Variants in EBF1 observed in about 807,000 individuals in gnomAD.
EBF1 encodes the protein transcription factor COE1.
In EBF1, 10 loss-of-function variants were observed where a neutral mutation model predicts 68.4. The observed-to-expected ratio is 0.15, with a 90% confidence interval of 0.09 to 0.25. The LOEUF (loss-of-function observed/expected upper bound fraction) is 0.25. Ranked by LOEUF, EBF1 falls within the 10% of genes least tolerant of loss-of-function variation. The probability of loss-of-function intolerance (pLI) is 1.00; values close to 1 mark genes in which losing one functional copy is unlikely to be tolerated. For synonymous variants in EBF1, 298 were observed against 299.8 expected, an observed-to-expected ratio of 0.99 and a Z score of 0.06; for missense variants, 509 against 794.4, an observed-to-expected ratio of 0.64 and a Z score of 4.32.
At chr5:158,740,216 G>A (rs1766026349) in intron 10 of EBF1, among the ~76,000 whole-genome samples, 1 of 152,182 alleles carries the variant, frequency 6.6e-6, no homozygotes, top group African/African-American at 2.4e-5. Context: ...GCCTACCAGT[G>A]ACTTATGGCT....
intron 9 of EBF1, among the ~76,000 whole-genome samples, chr5:158,785,326 G>A (rs1422228344): frequency 1.3e-5 from 2 of 152,078 alleles, no homozygotes; most frequent in Non-Finnish European, 2.9e-5. Context: ...TTATTTTCAG[G>A]GTTGCTAAAG....
At chr5:158,754,662 T>C (rs889999567) in intron 10 of EBF1, among the ~76,000 whole-genome samples, 1 of 152,108 alleles carries the variant, frequency 6.6e-6, no homozygotes, top group Admixed American at 6.6e-5. Flanking sequence ...TGATTCCAAA[T>C]CTATGATATC....
chr5:158,865,615 G>C (rs964579773), intron 6 of EBF1, among the ~76,000 whole-genome samples: 1 of 152,168 alleles, frequency 6.6e-6, no homozygotes, highest in African/African-American at 2.4e-5. Flanking sequence ...TCAAGTTTAA[G>C]ATATATTTGT....
intron 6 of EBF1, among the ~76,000 whole-genome samples, chr5:158,926,264 T>A (rs2127422702): frequency 6.6e-6 from 1 of 152,306 alleles, no homozygotes; most frequent in Admixed American, 6.5e-5. Context: ...TATAAGCAAA[T>A]GATAGCGCAT....
intron 6 of EBF1, among the ~76,000 whole-genome samples, chr5:158,857,814 C>A (rs1794319894): frequency 6.6e-6 from 1 of 152,136 alleles, no homozygotes; most frequent in Non-Finnish European, 1.5e-5. Flanking sequence ...TTGTGACAAG[C>A]CTCTCTAGAA....
chr5:158,871,452 T>A (rs761957054), intron 6 of EBF1, among the ~76,000 whole-genome samples: 5 of 152,292 alleles, frequency 3.3e-5, no homozygotes, highest in Non-Finnish European at 5.9e-5. Context: ...AATATTTACC[T>A]AATAATAATA....
chr5:158,878,099 CACTA>C (rs369110739), intron 6 of EBF1, among the ~76,000 whole-genome samples: 322 of 151,748 alleles, frequency 2.1e-3, no homozygotes, highest in Non-Finnish European at 4.0e-3. Context: ...ACCCAGAAAA[CACTA>C]ACTAATTGAT....
At chr5:159,001,489 G>A (rs1366353911) in intron 6 of EBF1, among the ~76,000 whole-genome samples, 1 of 152,080 alleles carries the variant, frequency 6.6e-6, no homozygotes, top group East Asian at 1.9e-4. Flanking sequence ...GTGACCCCTG[G>A]TGCAAATCAT....
At chr5:158,704,232 A>T (rs562859949) in intron 15 of EBF1, among the ~76,000 whole-genome samples, 1 of 152,202 alleles carries the variant, frequency 6.6e-6, no homozygotes. Flanking sequence ...TGTGTTCACC[A>T]TTATCACCAC....
chr5:158,747,320 T>C (rs1767803842), intron 10 of EBF1, among the ~76,000 whole-genome samples: 1 of 152,212 alleles, frequency 6.6e-6, no homozygotes, highest in South Asian at 2.1e-4. Context: ...CTTAATTTTT[T>C]CCTTTGGATA....
rs1010248680 is a variant in EBF1, at chr5:158,695,928, A to C, written c.*3183T>G. 1 of 183,582 alleles carries C rather than the reference A, an allele frequency of 5.4e-6. No individual in the cohort carries two copies. Among genetic ancestry groups the C allele is most frequent in the Non-Finnish European group, 1.2e-5 (1 of 86,468 alleles). The allele number at this position is 183,582 out of a possible 1,614,324, so 11.4% of individuals were successfully genotyped here. A position where few individuals can be genotyped will look rare whatever the true frequency, so the allele number is the denominator to read the frequency against. Reference sequence around the variant, plus strand: ...ACAACTAGGAGCTGCCATCACAGACAGGAAGTAACTTTAATTAAATATTGT... The same window carrying C: ...ACAACTAGGAGCTGCCATCACAGACCGGAAGTAACTTTAATTAAATATTGT... On this transcript the variant is annotated 3_prime_UTR_variant, in exon 16 of 16. Transcript: ENST00000313708.
intron 14 of EBF1, among the ~76,000 whole-genome samples, chr5:158,708,982 T>C (rs1378379816): frequency 8.5e-5 from 13 of 152,176 alleles, no homozygotes; most frequent in Admixed American, 5.9e-4. Context: ...AGAGAAAACC[T>C]AGCAGCTTGG....
At chr5:159,017,844 G>T (rs1387097607) in intron 6 of EBF1, among the ~76,000 whole-genome samples, 1 of 152,134 alleles carries the variant, frequency 6.6e-6, no homozygotes, top group Non-Finnish European at 1.5e-5. Flanking sequence ...GGAGTATTAG[G>T]ACACCTTGTT....
chr5:158,784,410 C>G (rs1446812671), intron 9 of EBF1, among the ~76,000 whole-genome samples: 1 of 152,150 alleles, frequency 6.6e-6, no homozygotes, highest in African/African-American at 2.4e-5. Context: ...GCAGCTTTTC[C>G]CATACCTTGA....
rs1023981653 is a variant in EBF1, at chr5:158,944,219, G to T, written c.555-104109C>A. On this transcript the variant is annotated intron_variant, in intron 6 of 15. Transcript: ENST00000313708. Reference sequence around the variant, plus strand: ...TTCTCCTAATGCCATCCCTCCCCTTGTCCTCCACCCCCCTACAGGCCCCAG... The same window carrying T: ...TTCTCCTAATGCCATCCCTCCCCTTTTCCTCCACCCCCCTACAGGCCCCAG... 2.1e-4 allele frequency among the ~76,000 whole-genome samples: 32 copies of T among 151,488 alleles called. 2 individuals carry two copies. Among genetic ancestry groups the T allele is most frequent in the Admixed American group, 1.9e-3 (29 of 15,188 alleles).
intron 10 of EBF1, among the ~76,000 whole-genome samples, chr5:158,759,628 A>G (rs1770956506): frequency 6.6e-6 from 1 of 152,312 alleles, no homozygotes; most frequent in Non-Finnish European, 1.5e-5. Context: ...AGTGCTATCC[A>G]TTTGTATACT....
intron 6 of EBF1, among the ~76,000 whole-genome samples, chr5:158,917,188 T>C (rs980268400): frequency 3.9e-5 from 6 of 152,206 alleles, no homozygotes; most frequent in Non-Finnish European, 7.3e-5. Flanking sequence ...CTGCCTATTA[T>C]ACCTAAATAA....
chr5:158,746,952 A>AT (rs1446997214), intron 10 of EBF1, among the ~76,000 whole-genome samples: 1 of 152,214 alleles, frequency 6.6e-6, no homozygotes, highest in African/African-American at 2.4e-5. Flanking sequence ...TGCATTTTTC[A>AT]AAAGCTACCA....
At chr5:159,009,645 G>A (rs992046560) in intron 6 of EBF1, among the ~76,000 whole-genome samples, 8 of 152,024 alleles carry the variant, frequency 5.3e-5, no homozygotes, top group Non-Finnish European at 1.0e-4. Flanking sequence ...TGGGCACGGT[G>A]GTGCACACCT....
Sources: gnomAD v4.1 joint callset for allele counts (sites outside exome capture counted in the v4.1 genomes callset) on GRCh38, gnomAD v4.1.1 for gene constraint, MANE v1.5 for transcripts, NCBI Gene and HGNC (gene_info 2026-07-23, HGNC 2026-07-21) for gene names.